Variants in TENM4 observed in about 807,000 individuals in gnomAD.
The protein encoded by TENM4 is teneurin-4.
In TENM4, 82 loss-of-function variants were observed where a neutral mutation model predicts 243.3. The observed-to-expected ratio is 0.34, with a 90% CI of 0.28 to 0.40. The LOEUF (loss-of-function observed/expected upper bound fraction) is 0.40. Ranked by LOEUF, TENM4 falls within the 10% of genes least tolerant of loss-of-function variation. The pLI is 1.00. For synonymous variants in TENM4, 1,412 were observed against 1,456.3 expected (o/e 0.97, Z 0.69); for missense variants, 3,138 against 3,673.3 (o/e 0.85, Z 3.77).
intron 6 of TENM4, among the ~76,000 whole-genome samples, chr11:79,016,499 T>A (rs748070958): frequency 6.6e-6 from 1 of 152,156 alleles, no homozygotes; most frequent in East Asian, 1.9e-4. Flanking sequence ...TTTAGTTATG[T>A]TACGTTTGAG....
chr11:78,695,205 C>T (rs1036204010), intron 28 of TENM4, among the ~76,000 whole-genome samples: 4 of 151,994 alleles, frequency 2.6e-5, no homozygotes, highest in Non-Finnish European at 5.9e-5. Context: ...TGTGCCACTA[C>T]ATCCAGCTAA....
intron 1 of TENM4, among the ~76,000 whole-genome samples, chr11:79,333,961 C>G (rs1268030477): frequency 1.3e-5 from 2 of 152,178 alleles, no homozygotes; most frequent in African/African-American, 4.8e-5. Flanking sequence ...TTGAAAAGGG[C>G]TATTGCTGTG....
chr11:79,428,592 CA>C (rs1859103009), intron 1 of TENM4, among the ~76,000 whole-genome samples: 1 of 152,150 alleles, frequency 6.6e-6, no homozygotes, highest in Admixed American at 6.5e-5. Flanking sequence ...AAAAGTAGGT[CA>C]AAGGACTATC....
chr11:79,407,300 G>C (rs1420670501), intron 1 of TENM4, among the ~76,000 whole-genome samples: 1 of 152,162 alleles, frequency 6.6e-6, no homozygotes, highest in Admixed American at 6.5e-5. Context: ...GATGCTGGAC[G>C]TCTTAATGAG....
chr11:79,362,143 A>C (rs1362398230), intron 1 of TENM4, among the ~76,000 whole-genome samples: 2 of 152,222 alleles, frequency 1.3e-5, no homozygotes, highest in Non-Finnish European at 2.9e-5. Flanking sequence ...GTCCAAGTTC[A>C]TATAAGTAGC....
chr11:79,423,535 A>ATTT lies in TENM4; in HGVS notation c.-321+16971_-321+16973dup, dbSNP rs67697266. On this transcript the variant is annotated intron_variant, in intron 1 of 33. Coordinates refer to ENST00000278550, the MANE Select transcript of TENM4 (RefSeq NM_001098816.3). ...GCCAGCTCTGAATGCTTACAAGTGCATTTTTTTTTTTTTTTTTTTTTTTGC... is the reference window on the plus strand; with the variant it reads ...GCCAGCTCTGAATGCTTACAAGTGCATTTTTTTTTTTTTTTTTTTTTTTTTTGC... Among the ~76,000 whole-genome samples the ATTT allele has an allele frequency of 5.9e-4, 67 of 114,120 alleles. 1 individual carries two copies. Among genetic ancestry groups the ATTT allele is most frequent in the African/African-American group, 1.0e-3 (32 of 30,570 alleles). The allele number at this position is 114,120 out of a possible 152,430, so 74.9% of individuals were successfully genotyped here.
At chr11:78,781,835 GCT>G (rs572366978) in intron 16 of TENM4, among the ~76,000 whole-genome samples, 28 of 152,294 alleles carry the variant, frequency 1.8e-4, no homozygotes, top group Admixed American at 1.6e-3. Context: ...ATACATCAGT[GCT>G]CTTCTCTCTT....
At chr11:78,849,332 A>AG (rs1191794240) in intron 12 of TENM4, among the ~76,000 whole-genome samples, 1 of 152,224 alleles carries the variant, frequency 6.6e-6, no homozygotes, top group Admixed American at 6.5e-5. Flanking sequence ...ATGGAAGGCA[A>AG]GGGGGAAATT....
chr11:78,857,259 C>A (rs377673480), intron 10 of TENM4, among the ~76,000 whole-genome samples: 2 of 152,088 alleles, frequency 1.3e-5, no homozygotes, highest in South Asian at 2.1e-4. Context: ...TGGTTCCAAG[C>A]GGTTTTTTTG....
At chr11:78,665,505 C>G (rs1343112959) in intron 32 of TENM4, among the ~76,000 whole-genome samples, 2 of 152,192 alleles carry the variant, frequency 1.3e-5, no homozygotes, top group Non-Finnish European at 1.5e-5. Flanking sequence ...CTCCTGACCT[C>G]AAGTGACCTG....
chr11:79,290,146 T>G (rs1286431776), intron 2 of TENM4, among the ~76,000 whole-genome samples: 1 of 152,162 alleles, frequency 6.6e-6, no homozygotes, highest in Non-Finnish European at 1.5e-5. Flanking sequence ...AATGATGGGT[T>G]GGCTCTATTC....
chr11:78,856,289 T>G, intron 10 of TENM4, 111 bp from the exon 11 acceptor site: 2 of 930,810 alleles, frequency 2.1e-6, no homozygotes, highest in Non-Finnish European at 3.2e-6. Context: ...CATCCTTCTC[T>G]ATAATGTTCT....
chr11:78,720,442 G>A, intron 24 of TENM4, 52 bp from the exon 25 acceptor site: 2 of 1,604,662 alleles, frequency 1.2e-6, no homozygotes, highest in Non-Finnish European at 1.7e-6. Flanking sequence ...GGTGTTAGCA[G>A]CAGGGTTAGA....
At chr11:78,970,726 A>G (rs1857526154) in intron 6 of TENM4, among the ~76,000 whole-genome samples, 1 of 152,210 alleles carries the variant, frequency 6.6e-6, no homozygotes, top group Non-Finnish European at 1.5e-5. Flanking sequence ...CTACACCTCA[A>G]GAGGTTGCTC....
At chr11:79,107,889 C>T (rs1339528176) in intron 4 of TENM4, among the ~76,000 whole-genome samples, 2 of 152,186 alleles carry the variant, frequency 1.3e-5, no homozygotes, top group Non-Finnish European at 2.9e-5. Flanking sequence ...TTGTCTGAGG[C>T]CACACAGCCA....
intron 1 of TENM4, among the ~76,000 whole-genome samples, chr11:79,413,196 C>T (rs1251026068): frequency 2.0e-5 from 3 of 152,204 alleles, no homozygotes; most frequent in Non-Finnish European, 4.4e-5. Context: ...ATTCTGGGCA[C>T]CTTGTGTTCC....
At chr11:79,227,208 G>A (rs539154350) in intron 2 of TENM4, among the ~76,000 whole-genome samples, 1 of 152,308 alleles carries the variant, frequency 6.6e-6, no homozygotes, top group East Asian at 1.9e-4. Context: ...TCTAGCTCCT[G>A]CTGGATTATC....
intron 2 of TENM4, among the ~76,000 whole-genome samples, chr11:79,241,342 G>T (rs1395094236): frequency 6.6e-6 from 1 of 152,022 alleles, no homozygotes; most frequent in Non-Finnish European, 1.5e-5. Flanking sequence ...GGCAAGCAGG[G>T]ACGGGCTGGC....
At position 79,151,257 on chromosome 11, in the gene TENM4, A is replaced by G. The variant is rs1043542925; in HGVS notation, c.-162-2451T>C. ...CACAAAGCTATTAGCGAGCCAAACC[A>G]GTTTCACTGCTTCCATCTCTTTGCT... On this transcript the variant is annotated intron_variant, in intron 3 of 33. Coordinates refer to ENST00000278550, the MANE Select transcript of TENM4 (RefSeq NM_001098816.3). Among the ~76,000 whole-genome samples the G allele has an allele frequency of 9.2e-5, 14 of 152,346 alleles. No homozygotes were observed. The South Asian group carries it at 2.7e-3, about 29-fold the overall frequency.
Sources: allele counts gnomAD v4.1 joint callset (sites outside exome capture counted in the v4.1 genomes callset), GRCh38; gene constraint gnomAD v4.1.1; transcripts MANE v1.5; gene names NCBI Gene and HGNC (gene_info 2026-07-23, HGNC 2026-07-21).